Variants in CACNA2D3 observed in about 807,000 individuals in gnomAD.
The protein encoded by CACNA2D3 is calcium voltage-gated channel auxiliary subunit alpha2delta 3.
A neutral mutation model predicts 160.6 loss-of-function variants in CACNA2D3; 60 were observed. The observed-to-expected ratio is 0.37, with a 90% CI of 0.30 to 0.46. The LOEUF (loss-of-function observed/expected upper bound fraction) is 0.46, where lower values mean the gene tolerates loss of function less well. Ranked by LOEUF, CACNA2D3 falls within the 20% of genes least tolerant of loss-of-function variation. CACNA2D3 has a pLI of 1.00. For synonymous variants in CACNA2D3, 558 were observed against 492.9 expected (o/e 1.13, Z -1.75); for missense variants, 1,205 against 1,365.0 (o/e 0.88, Z 1.85).
chr3:54,659,661 T>C (rs919425325), intron 11 of CACNA2D3, among the ~76,000 whole-genome samples: 2 of 152,194 alleles, frequency 1.3e-5, no homozygotes, highest in Non-Finnish European at 2.9e-5. Flanking sequence ...TCAGGAAAAC[T>C]GCCACGGGGA....
chr3:54,595,001 G>A (rs2106762215), intron 9 of CACNA2D3, among the ~76,000 whole-genome samples: 1 of 152,282 alleles, frequency 6.6e-6, no homozygotes, highest in Non-Finnish European at 1.5e-5. Context: ...TTTCCGGCAT[G>A]GTTCAACCCT....
At chr3:54,432,441 CA>C (rs1282972355) in intron 4 of CACNA2D3, among the ~76,000 whole-genome samples, 1 of 152,114 alleles carries the variant, frequency 6.6e-6, no homozygotes, top group African/African-American at 2.4e-5. Context: ...TTCTAGAATA[CA>C]ATGTTTTTCT....
intron 13 of CACNA2D3, among the ~76,000 whole-genome samples, chr3:54,810,085 A>G (rs746917262): frequency 5.3e-5 from 8 of 152,168 alleles, no homozygotes; most frequent in Non-Finnish European, 1.2e-4. Context: ...GGAATCAGTG[A>G]GGCAGGGAAG....
intron 4 of CACNA2D3, among the ~76,000 whole-genome samples, chr3:54,436,409 C>CCAG (rs1700060263): frequency 6.6e-6 from 1 of 152,072 alleles, no homozygotes; most frequent in South Asian, 2.1e-4. Flanking sequence ...ACCATTTGAC[C>CCAG]CAGCAATGCC....
intron 17 of CACNA2D3, among the ~76,000 whole-genome samples, chr3:54,858,959 T>C (rs1400361508): frequency 1.3e-5 from 2 of 152,240 alleles, no homozygotes; most frequent in Admixed American, 6.5e-5. Flanking sequence ...TCCCAAATTA[T>C]ATATATTTAA....
At chr3:54,992,801 A>T (rs1024976057) in intron 31 of CACNA2D3, among the ~76,000 whole-genome samples, 18 of 151,668 alleles carry the variant, frequency 1.2e-4, no homozygotes, top group African/African-American at 4.4e-4. Context: ...AAAAGAAAAA[A>T]GCAGTACCTG....
intron 11 of CACNA2D3, among the ~76,000 whole-genome samples, chr3:54,668,879 C>A (rs1035722281): frequency 6.6e-6 from 1 of 152,222 alleles, no homozygotes; most frequent in Non-Finnish European, 1.5e-5. Flanking sequence ...GCACAAGTGC[C>A]TTCTGTGAGA....
At chr3:54,471,121 C>T (rs890115727) in intron 4 of CACNA2D3, among the ~76,000 whole-genome samples, 2 of 152,170 alleles carry the variant, frequency 1.3e-5, no homozygotes, top group Admixed American at 6.5e-5. Context: ...TTCTCAGCAC[C>T]ACATCACACT....
Position 54,883,799 on chromosome 3 carries a change from A to ATCTCTCTCTCTCTCTCTC in CACNA2D3, c.1913-1475_1913-1458dup, listed in dbSNP as rs9311543. Among the ~76,000 whole-genome samples, 285 of 107,452 alleles carry ATCTCTCTCTCTCTCTCTC rather than the reference A, an allele frequency of 2.7e-3. 11 individuals are homozygous for ATCTCTCTCTCTCTCTCTC. Among genetic ancestry groups the ATCTCTCTCTCTCTCTCTC allele is most frequent in the Admixed American group, 7.3e-3 (62 of 8,542 alleles). The allele number at this position is 107,452 out of a possible 152,430, so 70.5% of individuals were successfully genotyped here. ...TCCTGACCTCCATAGTTACAATGGAATCTCTCTCTCTCTCTCTCTCTCTCC... is the reference window on the plus strand; with the variant it reads ...TCCTGACCTCCATAGTTACAATGGAATCTCTCTCTCTCTCTCTCTCTCTCTCTCTCTCTCTCTCTCTCC... On this transcript the variant is annotated intron_variant, in intron 21 of 37. Coordinates refer to ENST00000474759, the MANE Select transcript of CACNA2D3 (RefSeq NM_018398.3).
At chr3:54,442,951 A>G (rs6445662) in intron 4 of CACNA2D3, among the ~76,000 whole-genome samples, 110,915 of 152,040 alleles carry the variant, frequency 0.73, 42,147 homozygotes, top group Non-Finnish European at 0.83. Context: ...TCCACCATAT[A>G]GTAGCCTCTT....
intron 2 of CACNA2D3, among the ~76,000 whole-genome samples, chr3:54,297,997 C>T (rs1468531830): frequency 6.6e-6 from 1 of 152,220 alleles, no homozygotes; most frequent in African/African-American, 2.4e-5. Context: ...TAACAAAGCA[C>T]CTCGGGAGAT....
intron 11 of CACNA2D3, among the ~76,000 whole-genome samples, chr3:54,729,676 A>G (rs1701347872): frequency 6.6e-6 from 1 of 152,126 alleles, no homozygotes; most frequent in Non-Finnish European, 1.5e-5. Context: ...TCTGAATGCT[A>G]ATTGTTAATG....
chr3:54,863,685 A>C (rs1699341339), intron 17 of CACNA2D3, among the ~76,000 whole-genome samples: 1 of 151,554 alleles, frequency 6.6e-6, no homozygotes, highest in Non-Finnish European at 1.5e-5. Flanking sequence ...AAGGTCATTC[A>C]GGTTTTCAAA....
intron 21 of CACNA2D3, among the ~76,000 whole-genome samples, chr3:54,883,740 T>C (rs1393295776): frequency 6.7e-6 from 1 of 149,624 alleles, no homozygotes; most frequent in Non-Finnish European, 1.5e-5. Flanking sequence ...GACTCTTCCT[T>C]TCCTCATTCA....
intron 2 of CACNA2D3, among the ~76,000 whole-genome samples, chr3:54,142,293 G>A (rs1231187991): frequency 6.6e-6 from 1 of 152,062 alleles, no homozygotes; most frequent in East Asian, 1.9e-4. Context: ...TCCCTCCCTT[G>A]CCACTATAGC....
At chr3:54,780,430 C>T (rs982985109) in intron 13 of CACNA2D3, among the ~76,000 whole-genome samples, 2 of 152,176 alleles carry the variant, frequency 1.3e-5, no homozygotes, top group African/African-American at 4.8e-5. Context: ...TACTGTATTA[C>T]TTGGGTCTGA....
At chr3:54,622,639 C>A (rs1228230344) in intron 9 of CACNA2D3, among the ~76,000 whole-genome samples, 1 of 151,638 alleles carries the variant, frequency 6.6e-6, no homozygotes, top group African/African-American at 2.4e-5. Context: ...TGCCTCCACA[C>A]AATAACAATG....
At chr3:54,876,855 C>T (rs1182947530) in intron 18 of CACNA2D3, among the ~76,000 whole-genome samples, 1 of 152,228 alleles carries the variant, frequency 6.6e-6, no homozygotes. Flanking sequence ...TGATGACCTC[C>T]CTTTTTATAG....
At chr3:54,371,122 G>C (rs1203256609) in intron 3 of CACNA2D3, among the ~76,000 whole-genome samples, 1 of 152,054 alleles carries the variant, frequency 6.6e-6, no homozygotes, top group Non-Finnish European at 1.5e-5. Flanking sequence ...TCAGTTCTTG[G>C]ACATTTGGGT....
Sources: gnomAD v4.1 joint callset for allele counts (sites outside exome capture counted in the v4.1 genomes callset) on GRCh38, gnomAD v4.1.1 for gene constraint, MANE v1.5 for transcripts, NCBI Gene and HGNC (gene_info 2026-07-23, HGNC 2026-07-21) for gene names.